The following HS1BP3 variants were observed in gnomAD, a reference collection of about 807,000 sequenced individuals.
The protein encoded by HS1BP3 is HCLS1-binding protein 3.
Under a neutral mutation model 33.5 loss-of-function variants are expected in HS1BP3, and 32 were observed. The ratio of observed to expected loss-of-function variants is 0.95; its 90% confidence interval spans 0.72 to 1.28. The LOEUF (loss-of-function observed/expected upper bound fraction) is 1.28, where lower values mean the gene tolerates loss of function less well. HS1BP3 is among the 50% of genes most tolerant of loss of function. HS1BP3 has a pLI of 0.00. For missense variants in HS1BP3, 486 were observed against 502.3 expected (o/e 0.97, Z 0.31); for synonymous variants, 187 against 209.2 (o/e 0.89, Z 0.92).
At chr2:20,594,234 G>A (rs1420141896) in intron 3 of HS1BP3, among the ~76,000 whole-genome samples, 1 of 152,166 alleles carries the variant, frequency 6.6e-6, no homozygotes, top group Non-Finnish European at 1.5e-5. Context: ...TGGGTGTGGG[G>A]AGAGTGGGGG....
intron 3 of HS1BP3, among the ~76,000 whole-genome samples, chr2:20,596,815 C>T (rs1443423541): frequency 6.6e-6 from 1 of 152,200 alleles, no homozygotes; most frequent in Non-Finnish European, 1.5e-5. Flanking sequence ...ACACAAATCT[C>T]AGCTCCTTCA....
At chr2:20,554,559 C>T in the HS1BP3 span, among the ~76,000 whole-genome samples, 1 of 152,128 alleles carries the variant, frequency 6.6e-6, no homozygotes, top group East Asian at 1.9e-4. Context: ...CCCGTTTCTA[C>T]TAAAACTATA....
chr2:20,600,313 AG>A (rs1694043279), intron 2 of HS1BP3, among the ~76,000 whole-genome samples: 1 of 152,162 alleles, frequency 6.6e-6, no homozygotes, highest in African/African-American at 2.4e-5. Context: ...GCTTCCACTG[AG>A]GGCGAGGTTG....
At chr2:20,632,594 C>T (rs912307902) in intron 4 of HS1BP3, among the ~76,000 whole-genome samples, 3 of 152,208 alleles carry the variant, frequency 2.0e-5, no homozygotes, top group African/African-American at 4.8e-5. Context: ...GTCCTCAGAG[C>T]GTAAAGGCTC....
At chr2:20,596,195 C>T (rs746927648) in intron 3 of HS1BP3, among the ~76,000 whole-genome samples, 1 of 152,240 alleles carries the variant, frequency 6.6e-6, no homozygotes, top group Non-Finnish European at 1.5e-5. Flanking sequence ...CCAGATACCT[C>T]TCGCTCCTGC....
At chr2:20,590,548 A>AT (rs1467963464), downstream of HS1BP3, among the ~76,000 whole-genome samples, 3 of 152,190 alleles carry the variant, frequency 2.0e-5, no homozygotes, top group Admixed American at 6.5e-5. Context: ...TGTCAACCTC[A>AT]TTAGGTCACG....
chr2:20,645,396 G>A lies in HS1BP3; in HGVS notation c.142C>T (p.Arg48Cys), dbSNP rs35534197. 27 of 1,613,954 alleles carry A rather than the reference G, an allele frequency of 1.7e-5. No homozygotes were observed. The highest frequency in any genetic ancestry group is 9.3e-5 in the African/African-American group (7 of 74,936). ...HVEYQILVVT[R>C]LAAFKSAKHR... is the part of the protein sequence containing the mutation. ...TTGGCCGACTTGAACGCAGCCAGAC[G>A]GGTCACCACCAGGATCTGGTACTCC... The change falls in exon 2 of 7, where the codon CGT becomes TGT. Residue 48 changes from arginine (R) to cysteine (C), a missense_variant. By Grantham distance (180) the Arg-to-Cys change is radical. Transcript: ENST00000304031.
At chr2:20,562,652 C>T (rs1425082914) in intron 5 of HS1BP3, among the ~76,000 whole-genome samples, 4 of 152,154 alleles carry the variant, frequency 2.6e-5, no homozygotes, top group Admixed American at 6.5e-5. Flanking sequence ...CAGGCTTGCA[C>T]GATTGGCCTC....
chr2:20,568,510 C>T (rs988950004), intron 5 of HS1BP3, among the ~76,000 whole-genome samples: 2 of 152,118 alleles, frequency 1.3e-5, no homozygotes, highest in African/African-American at 4.8e-5. Context: ...AGAGCAGCAA[C>T]AGGATCAGAC....
At chr2:20,578,936 G>C (rs1002338793) in intron 5 of HS1BP3, among the ~76,000 whole-genome samples, 1 of 152,216 alleles carries the variant, frequency 6.6e-6, no homozygotes, top group African/African-American at 2.4e-5. Context: ...AGTACTACAA[G>C]GCTTTCTGTT....
chr2:20,591,478 C>T (rs968659192), downstream of HS1BP3, among the ~76,000 whole-genome samples: 4 of 152,220 alleles, frequency 2.6e-5, no homozygotes, highest in African/African-American at 7.2e-5. Context: ...GGAAGTTTCC[C>T]GTGGCACCAA....
chr2:20,625,367 C>T (rs1005796641), intron 4 of HS1BP3, among the ~76,000 whole-genome samples: 2 of 152,208 alleles, frequency 1.3e-5, no homozygotes, highest in Non-Finnish European at 2.9e-5. Context: ...CCAGAGATCA[C>T]ACTCCCATTC....
rs191287682 is a variant in HS1BP3 at position 20,618,550 on chromosome 2, G to C, written c.*437C>G. The C allele has an allele frequency of 9.0e-4, 187 of 207,540 alleles. 1 individual carries two copies. The highest frequency in any genetic ancestry group is 1.4e-3 in the Non-Finnish European group (156 of 114,088). The allele number at this position is 207,540 out of a possible 1,614,324, so 12.9% of individuals were successfully genotyped here. A position where few individuals can be genotyped will look rare whatever the true frequency, so the allele number is the denominator to read the frequency against. Reference sequence around the variant, plus strand: ...TACCGGTCACTCCTTCTTACTATGCGAACAGAGGCAGAGGAGGGATAGAGG... The same window carrying C: ...TACCGGTCACTCCTTCTTACTATGCCAACAGAGGCAGAGGAGGGATAGAGG... On this transcript the variant is annotated 3_prime_UTR_variant, in exon 7 of 7. Coordinates refer to ENST00000304031, the MANE Select transcript of HS1BP3 (RefSeq NM_022460.4).
At chr2:20,622,350 CCT>C (rs1558338653) in intron 6 of HS1BP3, 1 of 1,302,418 alleles carries the variant, frequency 7.7e-7, no homozygotes, top group East Asian at 5.5e-5. Flanking sequence ...AGCAGTTAAT[CCT>C]TTCATTAGCA....
chr2:20,578,119 C>T (rs1171340445), intron 5 of HS1BP3, among the ~76,000 whole-genome samples: 8 of 152,302 alleles, frequency 5.3e-5, no homozygotes, highest in Non-Finnish European at 1.2e-4. Flanking sequence ...ACTTGCTGAT[C>T]CCTGGCAAGG....
chr2:20,617,712 G>A (rs1471829048), downstream of HS1BP3: 1 of 152,258 alleles, frequency 6.6e-6, no homozygotes, highest in Non-Finnish European at 1.5e-5. Context: ...CAGGGCCAAG[G>A]AGCAATAGTG....
intron 5 of HS1BP3, among the ~76,000 whole-genome samples, chr2:20,562,814 G>C (rs150272483): frequency 6.6e-6 from 1 of 152,186 alleles, no homozygotes; most frequent in Non-Finnish European, 1.5e-5. Flanking sequence ...AAAACAACTC[G>C]CACACGTCTG....
intron 5 of HS1BP3, among the ~76,000 whole-genome samples, chr2:20,583,015 A>C (rs1693572021): frequency 6.6e-6 from 1 of 152,066 alleles, no homozygotes; most frequent in South Asian, 2.1e-4. Context: ...CCTGCTACTC[A>C]GCCTAACCTG....
At chr2:20,622,954 A>G (rs1694652900) in intron 6 of HS1BP3, 1 of 153,892 alleles carries the variant, frequency 6.5e-6, no homozygotes, top group Non-Finnish European at 1.4e-5. Context: ...AATGAGGGGT[A>G]CAGATGACAG....
Sources: allele counts gnomAD v4.1 joint callset (sites outside exome capture counted in the v4.1 genomes callset), GRCh38; gene constraint gnomAD v4.1.1; transcripts MANE v1.5; gene names NCBI Gene and HGNC (gene_info 2026-07-23, HGNC 2026-07-21).